Variants in PTPRD observed in about 807,000 individuals in gnomAD.
PTPRD encodes the protein receptor-type tyrosine-protein phosphatase delta.
Under a neutral mutation model 214.5 loss-of-function variants are expected in PTPRD, and 34 were observed. The ratio of observed to expected loss-of-function variants is 0.16; its 90% CI spans 0.12 to 0.21. The LOEUF (loss-of-function observed/expected upper bound fraction) is 0.21, where lower values mean the gene tolerates loss of function less well. Among genes scored for constraint, PTPRD ranks in the 10% least tolerant of loss-of-function variants. The probability of loss-of-function intolerance (pLI) is 1.00; values close to 1 mark genes in which losing one functional copy is unlikely to be tolerated. For missense variants in PTPRD, 2,545 were observed against 2,398.7 expected (o/e 1.06, Z -1.27); for synonymous variants, 1,128 against 845.7 (o/e 1.33, Z -5.79).
chr9:10,416,648 G>A (rs929016280), intron 2 of PTPRD, among the ~76,000 whole-genome samples: 1 of 151,744 alleles, frequency 6.6e-6, no homozygotes, highest in Non-Finnish European at 1.5e-5. Flanking sequence ...TGGCAAAGGT[G>A]AGTTTTTTTC....
intron 11 of PTPRD, among the ~76,000 whole-genome samples, chr9:8,929,299 G>A (rs752210386): frequency 2.0e-5 from 3 of 151,980 alleles, no homozygotes; most frequent in African/African-American, 4.8e-5. Context: ...AGCTTTGGCC[G>A]ATTCAGTATG....
intron 5 of PTPRD, among the ~76,000 whole-genome samples, chr9:9,813,401 C>T (rs1233032632): frequency 6.6e-6 from 1 of 151,532 alleles, no homozygotes; most frequent in African/African-American, 2.4e-5. Flanking sequence ...AAAAATAGAA[C>T]AAAAGACAGA....
intron 32 of PTPRD, among the ~76,000 whole-genome samples, chr9:8,462,053 G>C (rs963178411): frequency 1.3e-5 from 2 of 151,892 alleles, no homozygotes; most frequent in East Asian, 3.9e-4. Flanking sequence ...TGCAGAATCT[G>C]TCTCTTCATT....
At chr9:9,788,194 G>A (rs192771673) in intron 5 of PTPRD, among the ~76,000 whole-genome samples, 15 of 152,076 alleles carry the variant, frequency 9.9e-5, no homozygotes, top group African/African-American at 2.9e-4. Context: ...ACATATGAAT[G>A]TACAGAGGAC....
At position 8,636,770 on chromosome 9, in the gene PTPRD, C is replaced by A. The variant is rs2096448300; in HGVS notation, c.139G>T (p.Ala47Ser). 4 of 1,614,102 alleles carry A rather than the reference C, an allele frequency of 2.5e-6. No individual in the cohort carries two copies. The highest frequency in any genetic ancestry group is 3.4e-6 in the Non-Finnish European group (4 of 1,179,998). The change falls in exon 13 of 46, where the codon GCT (alanine) becomes TCT (serine). Residue 47 changes from alanine to serine, a missense_variant. Physicochemically the swap from Ala to Ser is moderately conservative, Grantham distance 99. Transcript: ENST00000381196. ...ATTTTAGGTCTTGGGTCTCCCGTAG[C>A]TTGGCAGATGAAAGAGGCAACTCCG... The part of the protein sequence containing the change: ...SGGVASFICQ[A>S]TGDPRPKIVW...
intron 8 of PTPRD, among the ~76,000 whole-genome samples, chr9:9,558,324 G>A (rs2082036637): frequency 1.3e-5 from 2 of 152,116 alleles, no homozygotes; most frequent in Non-Finnish European, 2.9e-5. Context: ...ATACATCTGT[G>A]CTCTAAACTC....
At chr9:10,471,336 C>A (rs1352730013) in intron 2 of PTPRD, among the ~76,000 whole-genome samples, 1 of 152,038 alleles carries the variant, frequency 6.6e-6, no homozygotes, top group Non-Finnish European at 1.5e-5. Context: ...TCAATCTCTA[C>A]TGAATTGGGG....
intron 12 of PTPRD, among the ~76,000 whole-genome samples, chr9:8,667,510 A>T (rs2097194374): frequency 6.6e-6 from 1 of 152,200 alleles, no homozygotes; most frequent in African/African-American, 2.4e-5. Flanking sequence ...CATGACACCG[A>T]AAGTGAAAAA....
chr9:8,955,258 C>A (rs1431593927), intron 11 of PTPRD, among the ~76,000 whole-genome samples: 1 of 151,730 alleles, frequency 6.6e-6, no homozygotes, highest in Non-Finnish European at 1.5e-5. Context: ...TGAGAGAAAG[C>A]CTTGAAAGTA....
chr9:10,443,368 C>T (rs1466431015), intron 2 of PTPRD, among the ~76,000 whole-genome samples: 4 of 151,620 alleles, frequency 2.6e-5, no homozygotes, highest in South Asian at 2.1e-4. Context: ...TCCAAACTAA[C>T]TTCACATAGC....
chr9:9,017,351 T>C (rs1204449127), intron 11 of PTPRD, among the ~76,000 whole-genome samples: 1 of 152,156 alleles, frequency 6.6e-6, no homozygotes, highest in Non-Finnish European at 1.5e-5. Context: ...TAAATCTGTG[T>C]ATTACAGTTG....
chr9:8,495,514 A>G (rs2097244773), intron 26 of PTPRD, among the ~76,000 whole-genome samples: 1 of 152,194 alleles, frequency 6.6e-6, no homozygotes, highest in African/African-American at 2.4e-5. Flanking sequence ...TTTAAACTGC[A>G]GGTAATGACC....
intron 12 of PTPRD, among the ~76,000 whole-genome samples, chr9:8,676,208 C>T (rs56242960): frequency 0.016 from 2,444 of 152,170 alleles, 23 homozygotes; most frequent in African/African-American, 0.021. Context: ...TTAAGCATCA[C>T]CTTCTTCATG....
At chr9:9,631,853 T>C (rs892106697) in intron 7 of PTPRD, among the ~76,000 whole-genome samples, 4 of 152,326 alleles carry the variant, frequency 2.6e-5, no homozygotes, top group African/African-American at 9.6e-5. Flanking sequence ...GCAGTTATTT[T>C]AATTATTAGA....
chr9:10,098,533 C>T (rs2098518158), intron 3 of PTPRD, among the ~76,000 whole-genome samples: 1 of 151,708 alleles, frequency 6.6e-6, no homozygotes, highest in South Asian at 2.1e-4. Flanking sequence ...AAAAATGCTA[C>T]TTCTTTCCTA....
chr9:8,543,207 C>T (rs1392906721), intron 14 of PTPRD, among the ~76,000 whole-genome samples: 2 of 152,164 alleles, frequency 1.3e-5, no homozygotes, highest in African/African-American at 2.4e-5. Flanking sequence ...CAACCCAGAG[C>T]TGCTCATTTT....
At chr9:10,335,206 T>C (rs1322172620) in intron 3 of PTPRD, among the ~76,000 whole-genome samples, 1 of 151,628 alleles carries the variant, frequency 6.6e-6, no homozygotes, top group African/African-American at 2.4e-5. Context: ...GCCACAGTAC[T>C]CAAGACTGTG....
At chr9:9,542,320 A>G (rs1320478749) in intron 8 of PTPRD, among the ~76,000 whole-genome samples, 1 of 151,750 alleles carries the variant, frequency 6.6e-6, no homozygotes, top group South Asian at 2.1e-4. Flanking sequence ...CTTAATGCCA[A>G]AAAAGATCAT....
At chr9:8,379,939 G>A (rs957522090) in intron 37 of PTPRD, among the ~76,000 whole-genome samples, 5 of 152,086 alleles carry the variant, frequency 3.3e-5, no homozygotes, top group Non-Finnish European at 7.4e-5. Context: ...TCTGTGAAAT[G>A]GGAACAGTGT....
Sources: gnomAD v4.1 joint callset for allele counts (sites outside exome capture counted in the v4.1 genomes callset) on GRCh38, gnomAD v4.1.1 for gene constraint, MANE v1.5 for transcripts, NCBI Gene and HGNC (gene_info 2026-07-23, HGNC 2026-07-21) for gene names.